The following RSF1 variants were observed in gnomAD, a reference collection of about 807,000 sequenced individuals.
The protein encoded by RSF1 is HBV pX-associated protein 8.
In RSF1, 13 loss-of-function variants were observed where a neutral mutation model predicts 145.2. The observed-to-expected ratio is 0.09, with a 90% CI of 0.06 to 0.14. The LOEUF (loss-of-function observed/expected upper bound fraction) is 0.14. Ranked by LOEUF, RSF1 falls within the 10% of genes least tolerant of loss-of-function variation. RSF1 has a pLI of 1.00. For missense variants in RSF1, 1,517 were observed against 1,718.2 expected (o/e 0.88, Z 2.07); for synonymous variants, 577 against 592.6 (o/e 0.97, Z 0.38).
At chr11:77,838,648 G>A in the RSF1 span, among the ~76,000 whole-genome samples, 6 of 131,108 alleles carry the variant, frequency 4.6e-5, no homozygotes, top group Admixed American at 1.8e-4. Flanking sequence ...ACAGAGTCTC[G>A]CTCTTTTGCC....
chr11:77,700,516 T>C (rs1226992395), intron 6 of RSF1, among the ~76,000 whole-genome samples: 4 of 152,124 alleles, frequency 2.6e-5, no homozygotes, highest in Non-Finnish European at 4.4e-5. Context: ...AATATATTCC[T>C]ATACTACTTT....
At chr11:77,849,304 C>A in the RSF1 span, among the ~76,000 whole-genome samples, 1 of 152,168 alleles carries the variant, frequency 6.6e-6, no homozygotes, top group South Asian at 2.1e-4. Context: ...TCACTGCAAC[C>A]TCTGACTCCC....
At chr11:77,826,119 GCCT>G in the RSF1 span, among the ~76,000 whole-genome samples, 1 of 152,282 alleles carries the variant, frequency 6.6e-6, no homozygotes, top group Non-Finnish European at 1.5e-5. Context: ...AGTGGCTCAT[GCCT>G]ATAATCTCAG....
rs146209283 is a variant in RSF1 at position 77,701,434 on chromosome 11, C to T, written c.1795G>A (p.Asp599Asn). 5.5e-5 allele frequency: 89 copies of T among 1,613,966 alleles called. No individual in the cohort carries two copies. Among genetic ancestry groups the T allele is most frequent in the Non-Finnish European group, 7.2e-5 (85 of 1,180,024 alleles). Residue 599 changes from aspartate (D) to asparagine (N), a missense_variant, in exon 6 of 16, where the codon GAC (aspartate) becomes AAC (asparagine). Around this residue, in one of 12 missense-constraint regions of RSF1, gnomAD observed 579 missense variants for 553.5 expected, o/e 1.05. Coordinates refer to ENST00000308488, the MANE Select transcript of RSF1 (RefSeq NM_016578.4). Reference sequence around the variant, plus strand: ...GGTATTGGACTCAATCTTTGTGCGTCCTTATCAAGAAAAGTCTTTTTGGAC... The same window carrying T: ...GGTATTGGACTCAATCTTTGTGCGTTCTTATCAAGAAAAGTCTTTTTGGAC... ...EKSKKTFLDK[D>N]AQRLSPIPEE...
In RSF1 at chr11:77,793,447, G is replaced by A. The variant is rs142328023; in HGVS notation, c.187+27081C>T. On this transcript the variant is annotated intron_variant, in intron 1 of 15. Transcript: ENST00000308488. ...TGCAGTAAGCCGTGATCATGCCACT[G>A]TACTTCCAGCCTGGGTGACAGGAGA... is the stretch of plus-strand genomic sequence containing the variant. Among the ~76,000 whole-genome samples the A allele has an allele frequency of 5.0e-3, 756 of 152,150 alleles. 9 individuals carry two copies. Among genetic ancestry groups the A allele is most frequent in the African/African-American group, 0.017 (711 of 41,500 alleles).
At chr11:77,759,452 C>T (rs549292398) in intron 2 of RSF1, among the ~76,000 whole-genome samples, 28 of 152,330 alleles carry the variant, frequency 1.8e-4, no homozygotes, top group East Asian at 3.9e-4. Context: ...GAGGCCAAGG[C>T]GGGCAGATCA....
intron 1 of RSF1, among the ~76,000 whole-genome samples, chr11:77,812,089 G>T (rs1303020401): frequency 6.6e-6 from 1 of 152,108 alleles, no homozygotes; most frequent in Non-Finnish European, 1.5e-5. Context: ...TGAAATGGGA[G>T]GATCGCCTGA....
chr11:77,779,383 A>C (rs922959475), intron 1 of RSF1, among the ~76,000 whole-genome samples: 5 of 138,622 alleles, frequency 3.6e-5, no homozygotes, highest in African/African-American at 1.4e-4. Flanking sequence ...TTCTAAAAAA[A>C]ATTTTTTTTT....
intron 5 of RSF1, among the ~76,000 whole-genome samples, chr11:77,708,335 G>A (rs1240277754): frequency 6.6e-6 from 1 of 152,140 alleles, no homozygotes; most frequent in Non-Finnish European, 1.5e-5. Context: ...AGGCTGAGGT[G>A]GGAGGCTCGC....
chr11:77,846,505 G>C, the RSF1 span, among the ~76,000 whole-genome samples: 1 of 152,138 alleles, frequency 6.6e-6, no homozygotes, highest in Non-Finnish European at 1.5e-5. Context: ...TCAGGAGTTC[G>C]AGAGCAGCCT....
intron 5 of RSF1, among the ~76,000 whole-genome samples, chr11:77,713,726 T>C (rs1316676159): frequency 1.3e-5 from 2 of 152,212 alleles, no homozygotes; most frequent in Non-Finnish European, 2.9e-5. Flanking sequence ...GTTTTCTAAT[T>C]TTCTATTTTG....
intron 2 of RSF1, among the ~76,000 whole-genome samples, chr11:77,757,407 C>T (rs901582235): frequency 2.0e-5 from 3 of 152,172 alleles, no homozygotes; most frequent in African/African-American, 4.8e-5. Flanking sequence ...GGGCCAAGCA[C>T]GGTGGCTCAC....
chr11:77,853,305 G>C, the RSF1 span, among the ~76,000 whole-genome samples: 9 of 152,260 alleles, frequency 5.9e-5, no homozygotes, highest in African/African-American at 4.8e-5. Flanking sequence ...CATTGGCTCA[G>C]GTTTCCATAG....
chr11:77,778,206 GAGGAT>G (rs1565177666), intron 1 of RSF1, among the ~76,000 whole-genome samples: 3 of 63,354 alleles, frequency 4.7e-5, no homozygotes, highest in Admixed American at 1.5e-4. Context: ...GGGAAGGGGA[GAGGAT>G]GGGGAGGGGA....
At chr11:77,806,495 G>A (rs1948678894) in intron 1 of RSF1, among the ~76,000 whole-genome samples, 1 of 151,940 alleles carries the variant, frequency 6.6e-6, no homozygotes, top group South Asian at 2.1e-4. Flanking sequence ...GGGCTACATA[G>A]CAACACCCAT....
intron 1 of RSF1, among the ~76,000 whole-genome samples, chr11:77,802,076 G>A (rs978522261): frequency 2.6e-5 from 4 of 152,090 alleles, no homozygotes; most frequent in Admixed American, 6.6e-5. Flanking sequence ...TCATGTGCTG[G>A]GGGACAGAAG....
chr11:77,736,057 A>T (rs2135903224), intron 4 of RSF1, among the ~76,000 whole-genome samples: 1 of 152,316 alleles, frequency 6.6e-6, no homozygotes. Context: ...TTTCTAAAGA[A>T]ATCTCTTGCT....
upstream of RSF1, among the ~76,000 whole-genome samples, chr11:77,823,621 CAA>C (rs397970373): frequency 5.1e-5 from 5 of 97,642 alleles, no homozygotes; most frequent in East Asian, 3.0e-4. Context: ...CACCCTGTCT[CAA>C]AAAAAAAAAA....
At chr11:77,739,955 T>C (rs1249422846) in intron 4 of RSF1, among the ~76,000 whole-genome samples, 1 of 152,220 alleles carries the variant, frequency 6.6e-6, no homozygotes, top group Non-Finnish European at 1.5e-5. Flanking sequence ...GACAAAAAAG[T>C]GCAATGTTCC....
Sources: gnomAD v4.1 joint callset for allele counts (sites outside exome capture counted in the v4.1 genomes callset) on GRCh38, gnomAD v4.1.1 for gene constraint, gnomAD v4.1.1 regional missense constraint, MANE v1.5 for transcripts, NCBI Gene and HGNC (gene_info 2026-07-23, HGNC 2026-07-21) for gene names.